RPS6KC1: variants seen among roughly 807,000 people sequenced by gnomAD.
The protein encoded by RPS6KC1 is inactive ribosomal protein S6 kinase delta-1.
RPS6KC1 carries 54 observed loss-of-function variants against 103.8 expected under a neutral mutation model. That is an observed-to-expected ratio of 0.52 (90% CI 0.42 to 0.65). The LOEUF is 0.65. RPS6KC1 is among the 30% of genes least tolerant of loss of function. The pLI, the probability that RPS6KC1 is intolerant of heterozygous loss-of-function variation, is 0.00. For missense variants in RPS6KC1, 1,151 were observed against 1,253.8 expected, an observed-to-expected ratio of 0.92 and a Z score of 1.24; for synonymous variants, 439 against 438.7, an observed-to-expected ratio of 1.00 and a Z score of -0.01.
the RPS6KC1 span, among the ~76,000 whole-genome samples, chr1:213,562,805 A>G: frequency 6.6e-6 from 1 of 152,110 alleles, no homozygotes; most frequent in South Asian, 2.1e-4. Flanking sequence ...CTATGATCAC[A>G]AGTGTGTGCC....
chr1:213,148,655 C>T (rs2088189966), intron 6 of RPS6KC1, among the ~76,000 whole-genome samples: 1 of 151,942 alleles, frequency 6.6e-6, no homozygotes, highest in South Asian at 2.1e-4. Context: ...TTGGATGTGT[C>T]TTTGTCTGGT....
chr1:213,386,964 A>G, the RPS6KC1 span, among the ~76,000 whole-genome samples: 1 of 152,236 alleles, frequency 6.6e-6, no homozygotes, highest in Non-Finnish European at 1.5e-5. Flanking sequence ...AAGGGATCTG[A>G]GGGCAGAGAG....
chr1:213,099,270 G>A (rs975166436), intron 3 of RPS6KC1, among the ~76,000 whole-genome samples: 7 of 151,934 alleles, frequency 4.6e-5, no homozygotes, highest in African/African-American at 1.5e-4. Context: ...TTTATGCTAC[G>A]AGTACTATTT....
chr1:213,163,235 A>G (rs2090644996), intron 6 of RPS6KC1, among the ~76,000 whole-genome samples: 1 of 152,252 alleles, frequency 6.6e-6, no homozygotes, highest in Non-Finnish European at 1.5e-5. Context: ...AGCAACAAAC[A>G]AAAACTCAAA....
chr1:213,061,143 G>A (rs1008888989), intron 1 of RPS6KC1, among the ~76,000 whole-genome samples: 3 of 152,100 alleles, frequency 2.0e-5, no homozygotes, highest in Admixed American at 2.0e-4. Flanking sequence ...ATTACCTCTG[G>A]AAGGCCTCAC....
the RPS6KC1 span, among the ~76,000 whole-genome samples, chr1:213,347,054 G>T: frequency 6.6e-6 from 1 of 152,038 alleles, no homozygotes; most frequent in South Asian, 2.1e-4. Context: ...GGCTTCCATC[G>T]CCAAAACCCC....
At chr1:213,655,832 C>T in the RPS6KC1 span, among the ~76,000 whole-genome samples, 1 of 152,002 alleles carries the variant, frequency 6.6e-6, no homozygotes, top group South Asian at 2.1e-4. Context: ...GATCTGTGCT[C>T]CCCCCAGGAT....
At chr1:213,118,566 A>G (rs1245102183) in intron 5 of RPS6KC1, among the ~76,000 whole-genome samples, 1 of 152,148 alleles carries the variant, frequency 6.6e-6, no homozygotes, top group Non-Finnish European at 1.5e-5. Context: ...CCACACTAAC[A>G]TAAATCTCTT....
the RPS6KC1 span, among the ~76,000 whole-genome samples, chr1:213,769,831 TA>T: frequency 6.0e-3 from 905 of 151,726 alleles, 4 homozygotes; most frequent in Non-Finnish European, 1.0e-2. Context: ...TGACAAGATT[TA>T]AAAAAAAATA....
At chr1:213,343,370 A>AC in the RPS6KC1 span, among the ~76,000 whole-genome samples, 1 of 16,862 alleles carries the variant, frequency 5.9e-5, no homozygotes, top group African/African-American at 7.9e-5. Context: ...AGGAGCTTAA[A>AC]CTTTTTTTTC....
At chr1:213,602,096 CTT>C in the RPS6KC1 span, among the ~76,000 whole-genome samples, 654 of 31,672 alleles carry the variant, frequency 0.021, 37 homozygotes, top group African/African-American at 0.039. Flanking sequence ...TTCTTTCTTT[CTT>C]TCTTTCTTTC....
chr1:213,717,788 G>C, the RPS6KC1 span, among the ~76,000 whole-genome samples: 3 of 152,208 alleles, frequency 2.0e-5, no homozygotes. Flanking sequence ...ATATTTTAGA[G>C]AGAGATGTTT....
At chr1:213,718,121 C>A in the RPS6KC1 span, among the ~76,000 whole-genome samples, 9 of 152,344 alleles carry the variant, frequency 5.9e-5, no homozygotes, top group Non-Finnish European at 1.2e-4. Context: ...CTTCAACAAG[C>A]TGAGCAAATT....
chr1:213,100,929 G>A (rs767429682), intron 3 of RPS6KC1, among the ~76,000 whole-genome samples: 2 of 152,020 alleles, frequency 1.3e-5, no homozygotes, highest in Admixed American at 6.6e-5. Context: ...AGAATGATTC[G>A]TTTTCCTTTG....
At chr1:213,613,684 A>G in the RPS6KC1 span, among the ~76,000 whole-genome samples, 49 of 152,202 alleles carry the variant, frequency 3.2e-4, 1 homozygote, top group South Asian at 2.1e-4. Context: ...AAGAGTAACT[A>G]TGAGCTTGCT....
chr1:213,782,505 A>C, the RPS6KC1 span, among the ~76,000 whole-genome samples: 1 of 152,120 alleles, frequency 6.6e-6, no homozygotes, highest in Non-Finnish European at 1.5e-5. Context: ...TGAGAAGTAG[A>C]ACATTACTCG....
chr1:213,475,620 C>A, the RPS6KC1 span, among the ~76,000 whole-genome samples: 5 of 152,002 alleles, frequency 3.3e-5, no homozygotes, highest in Non-Finnish European at 7.4e-5. Flanking sequence ...CCCGCTGCCT[C>A]TCCCTCAGTC....
intron 8 of RPS6KC1, 164 bp downstream of exon 8, chr1:213,176,656 T>G (rs2091891794): frequency 4.4e-6 from 2 of 457,326 alleles, no homozygotes; most frequent in Non-Finnish European, 7.9e-6. Flanking sequence ...AGCTTTTATC[T>G]GAGCAATTCA....
chr1:213,635,769 G>T, the RPS6KC1 span, among the ~76,000 whole-genome samples: 18 of 152,126 alleles, frequency 1.2e-4, no homozygotes, highest in Admixed American at 3.9e-4. Flanking sequence ...TTCTGGCCAG[G>T]GCAATCAGGC....
Sources: gnomAD v4.1 joint callset for allele counts (sites outside exome capture counted in the v4.1 genomes callset) on GRCh38, gnomAD v4.1.1 for gene constraint, MANE v1.5 for transcripts, NCBI Gene and HGNC (gene_info 2026-07-23, HGNC 2026-07-21) for gene names.